POLR2F: variants seen among roughly 807,000 people sequenced by gnomAD.
The protein encoded by POLR2F is DNA-directed RNA polymerases I, II, and III subunit RPABC2.
Under a neutral mutation model 22.7 loss-of-function variants are expected in POLR2F, and 12 were observed. That is an observed-to-expected ratio of 0.53 (90% confidence interval 0.34 to 0.86). POLR2F has a LOEUF of 0.86. Among genes scored for constraint, POLR2F ranks in the 40% least tolerant of loss-of-function variants. The pLI, the probability that POLR2F is intolerant of heterozygous loss-of-function variation, is 0.02. For synonymous variants in POLR2F, 57 were observed against 66.0 expected (o/e 0.86, Z 0.66); for missense variants, 126 against 171.5 (o/e 0.73, Z 1.48).
chr22:37,983,591 T>C, upstream of POLR2F: 1 of 1,609,158 alleles, frequency 6.2e-7, no homozygotes, highest in South Asian at 1.1e-5. This position sits in a 1 kb window ranked among gnomAD's most constrained non-coding sequence, Gnocchi z 9.5. Flanking sequence ...GAACTTGTCA[T>C]CGTCCGCCTC....
intron 2 of POLR2F, among the ~76,000 whole-genome samples, chr22:37,957,707 C>T (rs1931456134): frequency 6.6e-6 from 1 of 152,122 alleles, no homozygotes; most frequent in African/African-American, 2.4e-5. Context: ...GTACTTCAGC[C>T]CTGTCTGCAT....
At chr22:38,037,864 C>G (rs2085131754) in intron 5 of POLR2F, among the ~76,000 whole-genome samples, 1 of 152,136 alleles carries the variant, frequency 6.6e-6, no homozygotes, top group African/African-American at 2.4e-5. Context: ...TCTTCCTATC[C>G]TTTGTTCATG....
chr22:38,006,209 A>T (rs1408625016), intron 1 of POLR2F, among the ~76,000 whole-genome samples: 1 of 152,044 alleles, frequency 6.6e-6, no homozygotes, highest in Non-Finnish European at 1.5e-5. Flanking sequence ...CCCCATCTCT[A>T]AAAAAATTAA....
At chr22:37,984,522 C>T (rs1005840658), upstream of POLR2F, 1 of 152,720 alleles carries the variant, frequency 6.5e-6, no homozygotes, top group Non-Finnish European at 1.5e-5. The surrounding 1 kb of genome is among the most constrained non-coding windows in gnomAD (Gnocchi z 4.4). Context: ...CACCAACCAC[C>T]CTGGCCGGAC....
chr22:37,958,014 A>G (rs1044606477), intron 2 of POLR2F, among the ~76,000 whole-genome samples: 3 of 152,000 alleles, frequency 2.0e-5, no homozygotes, highest in African/African-American at 7.3e-5. Flanking sequence ...CTTGTTTTAA[A>G]TTAAGAAGTG....
rs59450552 is a variant in POLR2F at position 37,980,052 on chromosome 22, C to G, written c.293+12882C>G. Among the ~76,000 whole-genome samples, 3,652 of 152,278 alleles carry G rather than the reference C, an allele frequency of 0.024. 148 individuals are homozygous for G. The highest frequency in any genetic ancestry group is 0.084 in the African/African-American group (3,479 of 41,550). On this transcript the variant is annotated intron_variant, in intron 4 of 4. Transcript: ENST00000405557. This position sits in a 1 kb window ranked among gnomAD's most constrained non-coding sequence, Gnocchi z 4.1. ...GCTTAGCCTCCCTGTCTACTCCCCCCACCCCGGCCCTGAGCCCAGCCCTAG... is the reference window on the plus strand; with the variant it reads ...GCTTAGCCTCCCTGTCTACTCCCCCGACCCCGGCCCTGAGCCCAGCCCTAG...
At chr22:37,956,945 G>A (rs758388823) in intron 2 of POLR2F, 103 bp downstream of exon 2, 2 of 890,458 alleles carry the variant, frequency 2.2e-6, no homozygotes, top group African/African-American at 1.6e-5. Context: ...TGTGGTCAAG[G>A]CCCCTGCCAT....
At chr22:38,025,779 C>G in intron 1 of POLR2F, 1 of 1,546,524 alleles carries the variant, frequency 6.5e-7, no homozygotes, top group Non-Finnish European at 8.8e-7. Flanking sequence ...CCAGGGCACT[C>G]AATCTGCACC....
upstream of POLR2F, chr22:37,984,017 T>G: frequency 3.2e-6 from 1 of 312,448 alleles, no homozygotes. This position sits in a 1 kb window ranked among gnomAD's most constrained non-coding sequence, Gnocchi z 4.4. Flanking sequence ...TGCCAGACTC[T>G]AGGTGGGTGC....
Position 37,986,965 on chromosome 22 carries a change from C to T in POLR2F, c.120+653C>T, listed in dbSNP as rs1437425937. 3 of 452,658 alleles carry T rather than the reference C, an allele frequency of 6.6e-6. No homozygotes were observed. Among genetic ancestry groups the T allele is most frequent in the Non-Finnish European group, 1.3e-5 (3 of 224,148 alleles). 28.0% of individuals were successfully genotyped at this position (452,658 alleles called of 1,614,324 possible). A position where few individuals can be genotyped will look rare whatever the true frequency, so the allele number is the denominator to read the frequency against. On this transcript the variant is annotated intron_variant, in intron 1 of 2. Transcript: ENST00000333418. This position sits in a 1 kb window ranked among gnomAD's most constrained non-coding sequence, Gnocchi z 4.7. ...AGCAGGACAACAGGAGGGCCAGTGT[C>T]ACCTTCTCCTCCTTTCCCTGCTGGG...
At chr22:37,955,668 ACTTCTT>A (rs549149049) in intron 1 of POLR2F, among the ~76,000 whole-genome samples, 1 of 151,994 alleles carries the variant, frequency 6.6e-6, no homozygotes, top group Non-Finnish European at 1.5e-5. Flanking sequence ...AGTCGGATTT[ACTTCTT>A]CTTCTTATTA....
chr22:37,992,125 C>T (rs1932739629), intron 1 of POLR2F, among the ~76,000 whole-genome samples: 1 of 152,214 alleles, frequency 6.6e-6, no homozygotes, highest in Non-Finnish European at 1.5e-5. Flanking sequence ...TGTGTGCCAC[C>T]ATGCCTGGCT....
intron 1 of POLR2F, among the ~76,000 whole-genome samples, chr22:38,003,036 C>G (rs574560545): frequency 6.6e-6 from 1 of 151,882 alleles, no homozygotes; most frequent in Admixed American, 6.6e-5. Flanking sequence ...ACTTTTGAGT[C>G]TTGACGTAAA....
At chr22:38,026,698 C>G (rs1273734878), downstream of POLR2F, 3 of 220,766 alleles carry the variant, frequency 1.4e-5, no homozygotes, top group Admixed American at 5.2e-5. Flanking sequence ...GTTTCTCTTA[C>G]CCTTTAAAGG....
At chr22:37,953,696 G>A, upstream of POLR2F, 3 of 1,487,818 alleles carry the variant, frequency 2.0e-6, no homozygotes, top group Non-Finnish European at 2.7e-6. Flanking sequence ...GCAGGCGCAA[G>A]ATAAGCTAGG....
Position 38,031,767 on chromosome 22 carries a change from C to T in POLR2F, c.453-9301C>T, listed in dbSNP as rs909232001. On this transcript the variant is annotated intron_variant, in intron 5 of 5. Transcript: ENST00000407936. The surrounding 1 kb of genome is among the most constrained non-coding windows in gnomAD (Gnocchi z 4.1). ...CACCATGCTGCCCCCAGACCAACCC[C>T]TCCCCGCTTCCCTGCCCCATCAACG... 6.6e-6 allele frequency among the ~76,000 whole-genome samples: 1 copy of T among 152,176 alleles called. No homozygotes were observed. The highest frequency in any genetic ancestry group is 6.6e-5 in the Admixed American group (1 of 15,266).
rs368750200 is a variant in POLR2F at position 37,975,924 on chromosome 22, C to A, written c.293+8754C>A. On this transcript the variant is annotated intron_variant, in intron 4 of 4. Transcript: ENST00000405557. ...ACTTCTTGTGCACTTGTTTCTCTCT[C>A]TATATATATACTATATATATAGTAA... Among the ~76,000 whole-genome samples the A allele has an allele frequency of 3.9e-3, 589 of 150,994 alleles. 2 individuals are homozygous for A. Among genetic ancestry groups the A allele is most frequent in the Non-Finnish European group, 4.9e-3 (336 of 67,988 alleles).
chr22:37,968,516 C>G lies in POLR2F; in HGVS notation c.*801C>G. On this transcript the variant is annotated 3_prime_UTR_variant, in exon 5 of 5. Coordinates refer to ENST00000442738, the MANE Select transcript of POLR2F (RefSeq NM_021974.5). ...GCTGGGGTGGTGGTGCTCCTGGGTT[C>G]CAGGTGTTACATTAAGTCAGAGCTG... 3.0e-6 allele frequency: 3 copies of G among 985,750 alleles called. No individual in the cohort carries two copies. In the South Asian group the frequency reaches 1.4e-4, roughly 46 times the overall value. 61.1% of individuals were successfully genotyped at this position (985,750 alleles called of 1,614,324 possible).
upstream of POLR2F, chr22:37,983,961 C>T: frequency 5.0e-6 from 2 of 397,036 alleles, no homozygotes; most frequent in Non-Finnish European, 8.5e-6. The surrounding 1 kb of genome is among the most constrained non-coding windows in gnomAD (Gnocchi z 9.5). Flanking sequence ...GGTGGCGGCC[C>T]TTCCTGCTCC....
Sources: allele counts gnomAD v4.1 joint callset (sites outside exome capture counted in the v4.1 genomes callset), GRCh38; gene constraint gnomAD v4.1.1; non-coding constraint Gnocchi (gnomAD v3.1); transcripts MANE v1.5; gene names NCBI Gene and HGNC (gene_info 2026-07-23, HGNC 2026-07-21).